The following USP9X variants were observed in gnomAD, a reference collection of about 807,000 sequenced individuals.
USP9X encodes the protein ubiquitin carboxyl-terminal hydrolase 9X.
In USP9X, 7 loss-of-function variants were observed where a neutral mutation model predicts 190.3. The ratio of observed to expected loss-of-function variants is 0.04; its 90% CI spans 0.02 to 0.07. The LOEUF is 0.07. Ranked by LOEUF, USP9X falls within the 10% of genes least tolerant of loss-of-function variation. USP9X has a pLI of 1.00. For missense variants in USP9X, 1,010 were observed against 1,916.9 expected (o/e 0.53, Z 8.83); for synonymous variants, 645 against 659.5 (o/e 0.98, Z 0.34).
At chrX:41,177,251 A>AAGTTTT (rs2062783220) in intron 21 of USP9X, among the ~76,000 whole-genome samples, 1 of 112,547 alleles carries the variant, frequency 8.9e-6, no homozygotes, top group African/African-American at 3.2e-5. Flanking sequence ...GGACTTTATA[A>AAGTTTT]CAATGTTTTC....
intron 43 of USP9X, 104 bp downstream of exon 43, chrX:41,229,883 T>C: frequency 8.7e-7 from 1 of 1,148,991 alleles, no homozygotes; most frequent in Non-Finnish European, 1.2e-6. Flanking sequence ...ATTAAAAGAT[T>C]ATGTTGAAGT....
intron 24 of USP9X, among the ~76,000 whole-genome samples, chrX:41,187,593 TA>T (rs1341091572): frequency 5.3e-5 from 6 of 112,524 alleles, no homozygotes; most frequent in African/African-American, 1.9e-4. Flanking sequence ...TTTGTAGTAG[TA>T]AAATGTAATA....
chrX:41,117,562 CT>C (rs1253031849), intron 1 of USP9X, among the ~76,000 whole-genome samples: 138 of 100,426 alleles, frequency 1.4e-3, no homozygotes, highest in Non-Finnish European at 1.9e-3. Context: ...CCATTCTAAC[CT>C]TTTTTTTTTC....
At position 41,122,941 on chromosome X, in the gene USP9X, C is replaced by T. The variant is rs998016916; in HGVS notation, c.-158-530C>T. On this transcript the variant is annotated intron_variant, in intron 1 of 44. Coordinates refer to ENST00000378308, the MANE Select transcript of USP9X (RefSeq NM_001039591.3). ...ACTTCCTCTCTTCTCTCCTTCTCTG[C>T]TGTGCTTCTCTGCCACTCTTCTGCT... Among the ~76,000 whole-genome samples, 17 of 111,228 alleles carry T rather than the reference C, an allele frequency of 1.5e-4. No homozygotes were observed. The Admixed American group carries it at 1.5e-3, about 10-fold the overall frequency.
In USP9X at chrX:41,177,168, A is replaced by C. The variant is rs183722176; in HGVS notation, c.3148+5210A>C. Among the ~76,000 whole-genome samples, 23 of 112,201 alleles carry C rather than the reference A, an allele frequency of 2.0e-4. No individual in the cohort carries two copies. In the Admixed American group the frequency reaches 2.1e-3, roughly 10 times the overall value. Reference sequence around the variant, plus strand: ...TTAACATAGTATTATTCAAAATAAAAAAAATTTAGCATATACAGTAATATC... The same window carrying C: ...TTAACATAGTATTATTCAAAATAAACAAAATTTAGCATATACAGTAATATC... On this transcript the variant is annotated intron_variant, in intron 21 of 44. Transcript: ENST00000378308.
chrX:41,200,696 A>T (rs1418600705), intron 30 of USP9X, among the ~76,000 whole-genome samples: 1 of 112,385 alleles, frequency 8.9e-6, no homozygotes, highest in African/African-American at 3.2e-5. Context: ...TTCCTTGCCA[A>T]ATTTGAAGGC....
rs764689144 is a variant in USP9X at position 41,229,406 on chromosome X, G to T, written c.7215G>T (p.Leu2405=). The change falls in exon 42 of 45, where the codon CTG becomes CTT. Residue 2405 remains leucine, a synonymous_variant. Transcript: ENST00000378308. ...FSNCPVAYQI[L]QGNGDLKRKW... Reference sequence around the variant, plus strand: ...ACTGTCCTGTTGCTTACCAAATCCTGCAGGTGAGGATTTTTTTCTTATAAT... The same window carrying T: ...ACTGTCCTGTTGCTTACCAAATCCTTCAGGTGAGGATTTTTTTCTTATAAT... 5 of 1,165,018 alleles carry T rather than the reference G, an allele frequency of 4.3e-6. No individual in the cohort carries two copies. Among genetic ancestry groups the T allele is most frequent in the Non-Finnish European group, 5.7e-6 (5 of 876,949 alleles).
At chrX:41,148,682 T>C (rs2062492857) in intron 12 of USP9X, 107 bp downstream of exon 12, 1 of 801,616 alleles carries the variant, frequency 1.2e-6, no homozygotes. Context: ...TTTTAAATGA[T>C]CTTCCGGAGT....
At chrX:41,162,688 A>C in intron 14 of USP9X, 102 bp from the exon 15 acceptor site, 1 of 576,303 alleles carries the variant, frequency 1.7e-6, no homozygotes, top group East Asian at 4.0e-5. Flanking sequence ...TTAATGATAA[A>C]GGATTAGTGA....
intron 4 of USP9X, 40 bp downstream of exon 4, chrX:41,131,576 C>T: frequency 9.0e-7 from 1 of 1,113,644 alleles, no homozygotes; most frequent in Non-Finnish European, 1.2e-6. Flanking sequence ...ATGTATGCTA[C>T]TAGATGTATT....
chrX:41,136,709 GTTAT>G (rs746874137), intron 5 of USP9X, 91 bp from the exon 6 acceptor site: 15 of 600,605 alleles, frequency 2.5e-5, no homozygotes, highest in East Asian at 2.4e-4. Context: ...TGGAGAGATC[GTTAT>G]TTGTTAGGAT....
rs2062417779 is a variant in USP9X at position 41,141,014 on chromosome X, G to A, written c.819G>A (p.Lys273=). The change falls in exon 8 of 45, where the codon AAG becomes AAA. Residue 273 remains lysine, a synonymous_variant. Transcript: ENST00000378308. ...YEFLTLHTVK[K]YFLPIIEMVP... is the part of the protein sequence containing the mutation. Reference sequence around the variant, plus strand: ...TTCTCACTCTTCATACAGTGAAAAAGTACTTTCTTCCAATAATAGAAATGG... The same window carrying A: ...TTCTCACTCTTCATACAGTGAAAAAATACTTTCTTCCAATAATAGAAATGG... The A allele has an allele frequency of 1.7e-6, 2 of 1,202,701 alleles. No individual in the cohort carries two copies. Among genetic ancestry groups the A allele is most frequent in the East Asian group, 3.0e-5 (1 of 33,648 alleles).
intron 2 of USP9X, among the ~76,000 whole-genome samples, chrX:41,125,684 ACTCTCTCTCT>A (rs1555918325): frequency 5.3e-5 from 1 of 19,023 alleles, no homozygotes; most frequent in Non-Finnish European, 9.0e-5. Flanking sequence ...ACACACACAC[ACTCTCTCTCT>A]CTCTCTCTCT....
chrX:41,203,879 G>A (rs766828090), intron 31 of USP9X, among the ~76,000 whole-genome samples: 6 of 110,699 alleles, frequency 5.4e-5, no homozygotes, highest in Admixed American at 9.7e-5. Flanking sequence ...TGTATTTTTA[G>A]TAGAGATGGG....
At chrX:41,127,527 A>C (rs1345292347) in intron 2 of USP9X, among the ~76,000 whole-genome samples, 2 of 112,380 alleles carry the variant, frequency 1.8e-5, no homozygotes, top group African/African-American at 6.5e-5. Context: ...TTAAAAAATA[A>C]TAAAGCAGGC....
chrX:41,136,529 C>T (rs2062374717), intron 5 of USP9X, among the ~76,000 whole-genome samples: 1 of 112,429 alleles, frequency 8.9e-6, no homozygotes, highest in Non-Finnish European at 1.9e-5. Flanking sequence ...AAAATAGTAA[C>T]TTGCATCTTA....
chrX:41,112,845 TTAA>T (rs1160966269), intron 1 of USP9X, among the ~76,000 whole-genome samples: 1 of 112,779 alleles, frequency 8.9e-6, no homozygotes, highest in Non-Finnish European at 1.9e-5. Context: ...GATTATCCCC[TTAA>T]TAATTATTTT....
At chrX:41,204,433 A>C (rs1422965325) in intron 31 of USP9X, among the ~76,000 whole-genome samples, 1 of 104,610 alleles carries the variant, frequency 9.6e-6, no homozygotes, top group African/African-American at 3.5e-5. Flanking sequence ...TTTTTTTAAC[A>C]GTTCTGTGGT....
At chrX:41,115,077 C>T (rs2062137257) in intron 1 of USP9X, among the ~76,000 whole-genome samples, 1 of 108,172 alleles carries the variant, frequency 9.2e-6, no homozygotes, top group Non-Finnish European at 1.9e-5. Context: ...AAAAATTAGC[C>T]CGGCATTGTG....
Sources: allele counts gnomAD v4.1 joint callset (sites outside exome capture counted in the v4.1 genomes callset), GRCh38; gene constraint gnomAD v4.1.1; transcripts MANE v1.5; gene names NCBI Gene and HGNC (gene_info 2026-07-23, HGNC 2026-07-21).